Variants in CAMK1G observed in about 807,000 individuals in gnomAD.
The protein encoded by CAMK1G is calcium/calmodulin dependent protein kinase IG.
A neutral mutation model predicts 54.8 loss-of-function variants in CAMK1G; 27 were observed. The observed-to-expected ratio is 0.49, with a 90% CI of 0.36 to 0.68. CAMK1G has a LOEUF of 0.68. CAMK1G is among the 30% of genes least tolerant of loss of function. The probability of loss-of-function intolerance (pLI) is 0.00; values close to 1 mark genes in which losing one functional copy is unlikely to be tolerated. For missense variants in CAMK1G, 512 were observed against 591.0 expected, an observed-to-expected ratio of 0.87 and a Z score of 1.39; for synonymous variants, 238 against 224.9, an observed-to-expected ratio of 1.06 and a Z score of -0.52.
Position 209,612,181 on chromosome 1 carries a change from T to C in CAMK1G, c.1305T>C (p.Ser435=). Residue 435 remains serine (S), a synonymous_variant, in exon 11 of 13, where the codon TCT becomes TCC. Coordinates refer to ENST00000361322, the MANE Select transcript of CAMK1G (RefSeq NM_020439.3). ...IGSKGKSSYC[S]EPTLLKKANK... is the part of the protein sequence containing the mutation. ...GCAAAGGAAAGTCCTCCTACTGCTC[T>C]GAGCCCACACTCCTCAAAAAGGCCA... The C allele has an allele frequency of 6.2e-7, 1 of 1,614,122 alleles. No homozygotes were observed. Among genetic ancestry groups the C allele is most frequent in the Non-Finnish European group, 8.5e-7 (1 of 1,180,032 alleles).
At chr1:209,597,928 G>T (rs1665428848) in intron 2 of CAMK1G, among the ~76,000 whole-genome samples, 1 of 152,136 alleles carries the variant, frequency 6.6e-6, no homozygotes, top group Non-Finnish European at 1.5e-5. Flanking sequence ...GGTCTTAATA[G>T]ATGTCAGAAA....
rs1317940530 is a variant in CAMK1G at position 209,605,638 on chromosome 1, C to T, written c.399C>T (p.Tyr133=). The T allele has an allele frequency of 6.2e-7, 1 of 1,614,034 alleles. No individual in the cohort carries two copies. The highest frequency in any genetic ancestry group is 8.5e-7 in the Non-Finnish European group (1 of 1,179,984). The stretch of plus-strand genomic sequence containing the variant: ...AGCAGGTCTTGTCGGCAGTGAAATA[C>T]CTACATGAGAATGGCATCGTCCACA... ...VIQQVLSAVK[Y]LHENGIVHRD... Residue 133 remains tyrosine (Y), a synonymous_variant, in exon 5 of 13, where the codon TAC becomes TAT. Transcript: ENST00000361322.
chr1:209,596,407 G>A lies in CAMK1G; in HGVS notation c.92+1332G>A, dbSNP rs544566194. Among the ~76,000 whole-genome samples, 271 of 152,280 alleles carry A rather than the reference G, an allele frequency of 1.8e-3. 1 individual carries two copies. The highest frequency in any genetic ancestry group is 6.2e-3 in the African/African-American group (259 of 41,550). On this transcript the variant is annotated intron_variant, in intron 2 of 12. Coordinates refer to ENST00000361322, the MANE Select transcript of CAMK1G (RefSeq NM_020439.3). ...GTTGACAAGAATTTACCATCTGCTA[G>A]ACTTGTGCTGTAGGACTCAAAAGAC...
chr1:209,609,333 G>A (rs992309746), intron 8 of CAMK1G, among the ~76,000 whole-genome samples: 4 of 117,766 alleles, frequency 3.4e-5, no homozygotes, highest in South Asian at 5.5e-4. Context: ...AAAAGGAGAT[G>A]GGGGGGCAGT....
chr1:209,584,870 C>G lies in CAMK1G; in HGVS notation c.-30+1098C>G, dbSNP rs181825124. Among the ~76,000 whole-genome samples the G allele has an allele frequency of 2.0e-5, 3 of 152,246 alleles. No individual in the cohort carries two copies. The East Asian group carries it at 5.8e-4, about 29-fold the overall frequency. On this transcript the variant is annotated intron_variant, in intron 1 of 12. Transcript: ENST00000361322. ...GATGAGACCCACCTCTGAAACAGGC[C>G]GTAACACAGAGTGCTTAGTAATACC...
At chr1:209,612,961 G>A in intron 12 of CAMK1G, 49 bp downstream of exon 12, 1 of 989,300 alleles carries the variant, frequency 1.0e-6, no homozygotes. Flanking sequence ...TGTCCCAGAG[G>A]AGAGCCCCAT....
At position 209,611,924 on chromosome 1, in the gene CAMK1G, T is replaced by G. The variant is rs1327012705; in HGVS notation, c.1048T>G (p.Ser350Ala). ...TQASETSRPS[S>A]PEITITEAPV... ...AGCCTCAGAAACCTCTAGACCCAGC[T>G]CCCCTGAGATCACCATCACCGAGGC... Residue 350 changes from serine (S) to alanine (A), a missense_variant, in exon 11 of 13, where the codon TCC becomes GCC. Around this residue, in one of 3 missense-constraint regions of CAMK1G, gnomAD observed 315 missense variants for 330.5 expected, o/e 0.95. Coordinates refer to ENST00000361322, the MANE Select transcript of CAMK1G (RefSeq NM_020439.3). 2 of 1,614,148 alleles carry G rather than the reference T, an allele frequency of 1.2e-6. No individual in the cohort carries two copies. Among genetic ancestry groups the G allele is most frequent in the Admixed American group, 1.7e-5 (1 of 60,022 alleles).
chr1:209,612,742 TC>T (rs1482470713), intron 11 of CAMK1G, 42 bp from the exon 12 acceptor site: 5 of 1,556,294 alleles, frequency 3.2e-6, no homozygotes, highest in Admixed American at 3.3e-5. Flanking sequence ...CGACTCTTCT[TC>T]CCTCAAATAC....
At chr1:209,609,777 C>T in intron 8 of CAMK1G, 74 bp from the exon 9 acceptor site, 1 of 1,455,216 alleles carries the variant, frequency 6.9e-7, no homozygotes, top group Non-Finnish European at 9.7e-7. Flanking sequence ...CTGCCACCCA[C>T]CAGCCCGGAA....
chr1:209,586,991 C>G (rs536541842), intron 1 of CAMK1G, among the ~76,000 whole-genome samples: 1 of 152,130 alleles, frequency 6.6e-6, no homozygotes, highest in Admixed American at 6.5e-5. Flanking sequence ...CTGCAGGCAA[C>G]AATTGAAAAA....
In CAMK1G at chr1:209,613,215, C is replaced by T. The variant is rs953513685; in HGVS notation, c.*213C>T. ...AGGAGGGAGCCCCAAGGCGTAGAAG[C>T]CTTGTTGAAGCTGTGAGCAGGAGAA... On this transcript the variant is annotated 3_prime_UTR_variant, in exon 13 of 13. Transcript: ENST00000361322. 1.5e-5 allele frequency: 4 copies of T among 268,364 alleles called. No homozygotes were observed. Among genetic ancestry groups the T allele is most frequent in the Non-Finnish European group, 3.0e-5 (4 of 134,346 alleles). 16.6% of individuals were successfully genotyped at this position (268,364 alleles called of 1,614,324 possible).
chr1:209,588,354 A>ATGGATTGGAT lies in CAMK1G; in HGVS notation c.-30+4638_-30+4647dup, dbSNP rs56898431. ...GTGGATTGGATTAGAGTGGAGCGGA[A>ATGGATTGGAT]TGGATTGGATTGGATTGGATTGGAT... is the stretch of plus-strand genomic sequence containing the variant. On this transcript the variant is annotated intron_variant, in intron 1 of 12. Transcript: ENST00000361322. 1.7e-3 allele frequency among the ~76,000 whole-genome samples: 250 copies of ATGGATTGGAT among 147,202 alleles called. 3 individuals are homozygous for ATGGATTGGAT. Among genetic ancestry groups the ATGGATTGGAT allele is most frequent in the East Asian group, 7.4e-3 (36 of 4,862 alleles).
rs1553272847 is a variant in CAMK1G, at chr1:209,592,364, A to AAAC, written c.-29-2591_-29-2590insAAC. Reference sequence around the variant, plus strand: ...TGTCTCAAAAAAAAAAAAAAAAAAAACTCCAGTACTCCTACTGTGGTCACT... The same window carrying AAAC: ...TGTCTCAAAAAAAAAAAAAAAAAAAAAACCTCCAGTACTCCTACTGTGGTCACT... On this transcript the variant is annotated intron_variant, in intron 1 of 12. Transcript: ENST00000361322. Among the ~76,000 whole-genome samples the AAAC allele has an allele frequency of 2.0e-3, 281 of 143,810 alleles. 4 individuals are homozygous for AAAC. Among genetic ancestry groups the AAAC allele is most frequent in the South Asian group, 5.1e-3 (23 of 4,530 alleles). The allele number at this position is 143,810 out of a possible 152,430, so 94.3% of individuals were successfully genotyped here.
At position 209,600,098 on chromosome 1, in the gene CAMK1G, G is replaced by A. The variant is rs1464975170; in HGVS notation, c.208G>A (p.Ala70Thr). Residue 70 changes from alanine (A) to threonine (T), a missense_variant, in exon 3 of 13, where the codon GCT becomes ACT. Ala to Thr is a moderately conservative substitution (Grantham distance 58). This residue lies in a region of CAMK1G where 186 missense variants were observed against 231.5 expected (regional missense o/e 0.80). Coordinates refer to ENST00000361322, the MANE Select transcript of CAMK1G (RefSeq NM_020439.3). Reference sequence around the variant, plus strand: ...GGACAGCAGCCTGGAGAATGAGATTGCTGTGTTGAAAAAGTGAGTGGGTCT... The same window carrying A: ...GGACAGCAGCCTGGAGAATGAGATTACTGTGTTGAAAAAGTGAGTGGGTCT... ...FRDSSLENEI[A>T]VLKKIKHENI... is the part of the protein sequence containing the mutation. The A allele has an allele frequency of 3.1e-6, 5 of 1,613,442 alleles. No homozygotes were observed. The highest frequency in any genetic ancestry group is 4.2e-6 in the Non-Finnish European group (5 of 1,179,752).
At chr1:209,596,058 C>A (rs1665374897) in intron 2 of CAMK1G, among the ~76,000 whole-genome samples, 1 of 152,240 alleles carries the variant, frequency 6.6e-6, no homozygotes, top group Non-Finnish European at 1.5e-5. Context: ...GGTAAGCTTT[C>A]TCTGTCGCCA....
At chr1:209,608,107 A>C (rs915803121) in intron 7 of CAMK1G, among the ~76,000 whole-genome samples, 174 bp downstream of exon 7, 1 of 152,176 alleles carries the variant, frequency 6.6e-6, no homozygotes, top group Non-Finnish European at 1.5e-5. Context: ...ATACATGTAC[A>C]CACAGCTTAA....
chr1:209,601,704 G>T (rs1030776377), intron 3 of CAMK1G, among the ~76,000 whole-genome samples: 1 of 152,096 alleles, frequency 6.6e-6, no homozygotes, highest in Non-Finnish European at 1.5e-5. Flanking sequence ...GAGTATAGTT[G>T]AATTCATCAA....
chr1:209,595,168 G>A, intron 2 of CAMK1G, 93 bp downstream of exon 2: 1 of 859,870 alleles, frequency 1.2e-6, no homozygotes, highest in Non-Finnish European at 1.9e-6. Flanking sequence ...TGATGAACTG[G>A]ACTGAGGCTG....
chr1:209,607,842 C>T lies in CAMK1G; in HGVS notation c.560-16C>T. 1.2e-6 allele frequency: 2 copies of T among 1,609,898 alleles called. No homozygotes were observed. Among genetic ancestry groups the T allele is most frequent in the Non-Finnish European group, 1.7e-6 (2 of 1,177,892 alleles). On this transcript the variant is annotated splice_polypyrimidine_tract_variant and intron_variant, in intron 6 of 12. Transcript: ENST00000361322. ...CTCTTGCCACCAGCCCTGACTCTGC[C>T]CTTGGTCTGCTGCAGCTCCAGAAGT...
Sources: gnomAD v4.1 joint callset for allele counts (sites outside exome capture counted in the v4.1 genomes callset) on GRCh38, gnomAD v4.1.1 for gene constraint, gnomAD v4.1.1 regional missense constraint, MANE v1.5 for transcripts, NCBI Gene and HGNC (gene_info 2026-07-23, HGNC 2026-07-21) for gene names.